Variants in SEC24A observed in about 807,000 individuals in gnomAD.
The protein encoded by SEC24A is protein transport protein Sec24A.
Under a neutral mutation model 129.4 loss-of-function variants are expected in SEC24A, and 93 were observed. The observed-to-expected ratio is 0.72, with a 90% confidence interval of 0.61 to 0.85. The LOEUF (loss-of-function observed/expected upper bound fraction) is 0.85. Among genes scored for constraint, SEC24A ranks in the 40% least tolerant of loss-of-function variants. The probability of loss-of-function intolerance (pLI) is 0.00; values close to 1 mark genes in which losing one functional copy is unlikely to be tolerated. For missense variants in SEC24A, 1,264 were observed against 1,307.4 expected, an observed-to-expected ratio of 0.97 and a Z score of 0.51; for synonymous variants, 460 against 467.3, an observed-to-expected ratio of 0.98 and a Z score of 0.20.
At chr5:134,693,680 T>C in intron 12 of SEC24A, 47 bp from the exon 13 acceptor site, 1 of 1,598,998 alleles carries the variant, frequency 6.3e-7, no homozygotes, top group Non-Finnish European at 8.5e-7. Flanking sequence ...TAATGTGAAA[T>C]AAAATTTTAA....
At chr5:134,709,351 T>C (rs1335288178) in intron 18 of SEC24A, among the ~76,000 whole-genome samples, 1 of 152,216 alleles carries the variant, frequency 6.6e-6, no homozygotes, top group East Asian at 1.9e-4. Context: ...TTATTTGAAC[T>C]TTGAAAAGTT....
intron 3 of SEC24A, among the ~76,000 whole-genome samples, chr5:134,671,025 T>G (rs1461924031): frequency 1.3e-5 from 2 of 151,792 alleles, no homozygotes; most frequent in African/African-American, 4.8e-5. Flanking sequence ...AGGTCTTTGC[T>G]CCTCATAATT....
chr5:134,724,559 G>A (rs1290494094), intron 22 of SEC24A, among the ~76,000 whole-genome samples: 1 of 151,258 alleles, frequency 6.6e-6, no homozygotes, highest in East Asian at 1.9e-4. Context: ...TTGCACTCCA[G>A]CCTGGGCAAC....
At position 134,674,779 on chromosome 5, in the gene SEC24A, A is replaced by C. The variant is rs375412221; in HGVS notation, c.978+4A>C. On this transcript the variant is annotated splice_donor_region_variant and intron_variant, in intron 5 of 22. Transcript: ENST00000398844. Reference sequence around the variant, plus strand: ...TGGGCCACAAGCCTTTACTCAGGTAAACTTTTTGGGATTTTCTTTAACCTA... The same window carrying C: ...TGGGCCACAAGCCTTTACTCAGGTACACTTTTTGGGATTTTCTTTAACCTA... 6.2e-7 allele frequency: 1 copy of C among 1,609,890 alleles called. No homozygotes were observed. Among genetic ancestry groups the C allele is most frequent in the South Asian group, 1.1e-5 (1 of 90,136 alleles).
intron 18 of SEC24A, among the ~76,000 whole-genome samples, chr5:134,710,002 C>T (rs368067412): frequency 1.3e-5 from 2 of 151,932 alleles, no homozygotes; most frequent in African/African-American, 4.8e-5. Context: ...CGGGTTCAAG[C>T]GATTCTCCTG....
At chr5:134,704,509 C>T (rs1434869909) in intron 16 of SEC24A, among the ~76,000 whole-genome samples, 2 of 152,198 alleles carry the variant, frequency 1.3e-5, no homozygotes, top group South Asian at 2.1e-4. Context: ...ATAGTTAAAA[C>T]AATTAAAAGA....
At chr5:134,712,650 C>T (rs918690840) in intron 18 of SEC24A, among the ~76,000 whole-genome samples, 3 of 151,636 alleles carry the variant, frequency 2.0e-5, no homozygotes, top group Admixed American at 1.3e-4. Flanking sequence ...ACTAGTCTGG[C>T]TCTTGTTGCC....
intron 11 of SEC24A, among the ~76,000 whole-genome samples, chr5:134,692,171 C>T (rs984541132): frequency 5.9e-5 from 9 of 151,540 alleles, no homozygotes; most frequent in Non-Finnish European, 2.9e-5. Flanking sequence ...GGAATCCTCC[C>T]ACATAGCTGG....
intron 7 of SEC24A, among the ~76,000 whole-genome samples, chr5:134,679,090 T>C (rs563683514): frequency 5.5e-4 from 83 of 152,096 alleles, no homozygotes; most frequent in African/African-American, 2.0e-3. Flanking sequence ...TTTTATTTTA[T>C]TTTATTTTTT....
intron 4 of SEC24A, 115 bp from the exon 5 acceptor site, chr5:134,674,500 G>A (rs1209782080): frequency 3.5e-6 from 3 of 866,536 alleles, no homozygotes; most frequent in Non-Finnish European, 3.5e-6. Flanking sequence ...TTGCACCACT[G>A]CACTGCAGCC....
chr5:134,714,332 T>G (rs904567133), intron 18 of SEC24A, among the ~76,000 whole-genome samples: 1 of 152,076 alleles, frequency 6.6e-6, no homozygotes, highest in African/African-American at 2.4e-5. Context: ...GGGTGGCCTG[T>G]TAGGAACTGA....
At position 134,698,005 on chromosome 5, in the gene SEC24A, C is replaced by G; in HGVS notation, c.2214C>G (p.Tyr738Ter). The G allele has an allele frequency of 2.5e-6, 4 of 1,613,884 alleles. No individual in the cohort carries two copies. Among genetic ancestry groups the G allele is most frequent in the Non-Finnish European group, 3.4e-6 (4 of 1,179,944 alleles). ...VQKLQKELQR[Y>*]LTRKIGFEAV... The stretch of plus-strand genomic sequence containing the variant: ...AATTACAGAAGGAACTACAGAGATA[C>G]CTTACTCGGAAGATTGGCTTTGAGG... Residue 738 changes from tyrosine (Y) to a stop codon, truncating the protein, a stop_gained, in exon 15 of 23, where the codon TAC (tyrosine) becomes TAG (stop). Coordinates refer to ENST00000398844, the MANE Select transcript of SEC24A (RefSeq NM_021982.3). LOFTEE classifies it high-confidence loss of function.
intron 8 of SEC24A, among the ~76,000 whole-genome samples, chr5:134,680,507 A>G (rs1751229253): frequency 6.6e-6 from 1 of 151,036 alleles, no homozygotes; most frequent in African/African-American, 2.4e-5. Flanking sequence ...TAATTTTTAT[A>G]TTTTTAGTAG....
chr5:134,663,884 T>G (rs1325724914), intron 2 of SEC24A, among the ~76,000 whole-genome samples: 1 of 152,078 alleles, frequency 6.6e-6, no homozygotes, highest in African/African-American at 2.4e-5. Context: ...CTGAGTCGGG[T>G]GGATCACCTG....
intron 10 of SEC24A, 32 bp downstream of exon 10, chr5:134,686,934 CTAA>C: frequency 8.5e-7 from 1 of 1,169,910 alleles, no homozygotes; most frequent in Middle Eastern, 2.0e-4. Flanking sequence ...AAATATGAAA[CTAA>C]TAATATTTTC....
intron 19 of SEC24A, among the ~76,000 whole-genome samples, chr5:134,717,464 G>A (rs1021306245): frequency 1.3e-5 from 2 of 151,844 alleles, no homozygotes; most frequent in African/African-American, 4.8e-5. Context: ...CCAAGATGGT[G>A]CCATTGCACT....
rs750432399 is a variant in SEC24A, at chr5:134,661,563, T to C, written c.542T>C (p.Leu181Pro). ...HQYVSSGYPSLQNSFIKSGPS... is the reference protein window; with the variant it reads ...HQYVSSGYPSPQNSFIKSGPS... Reference sequence around the variant, plus strand: ...TATGTTTCTTCTGGATATCCTTCACTTCAAAATAGCTTCATAAAGTCAGGT... The same window carrying C: ...TATGTTTCTTCTGGATATCCTTCACCTCAAAATAGCTTCATAAAGTCAGGT... Residue 181 changes from leucine (L) to proline (P), a missense_variant, in exon 2 of 23, where the codon CTT (leucine) becomes CCT (proline). Leu to Pro is a moderately conservative substitution (Grantham distance 98). Coordinates refer to ENST00000398844, the MANE Select transcript of SEC24A (RefSeq NM_021982.3). The C allele has an allele frequency of 9.3e-6, 15 of 1,612,774 alleles. No homozygotes were observed. The highest frequency in any genetic ancestry group is 1.2e-5 in the Non-Finnish European group (14 of 1,178,792).
intron 7 of SEC24A, among the ~76,000 whole-genome samples, chr5:134,677,851 T>C (rs1008991735): frequency 2.0e-5 from 3 of 150,886 alleles, no homozygotes; most frequent in African/African-American, 7.3e-5. Flanking sequence ...AAAAAAAAGA[T>C]AAATAAAACC....
Position 134,661,559 on chromosome 5 carries a change from T to A in SEC24A, c.538T>A (p.Ser180Thr). The change falls in exon 2 of 23, where the codon TCA (serine) becomes ACA (threonine). Residue 180 changes from serine (S) to threonine (T), a missense_variant. By Grantham distance (58) the Ser-to-Thr change is moderately conservative. Coordinates refer to ENST00000398844, the MANE Select transcript of SEC24A (RefSeq NM_021982.3). Reference sequence around the variant, plus strand: ...TCAATATGTTTCTTCTGGATATCCTTCACTTCAAAATAGCTTCATAAAGTC... The same window carrying A: ...TCAATATGTTTCTTCTGGATATCCTACACTTCAAAATAGCTTCATAAAGTC... Reference protein sequence around the residue: ...NHQYVSSGYPSLQNSFIKSGP... With the variant: ...NHQYVSSGYPTLQNSFIKSGP... 6.2e-7 allele frequency: 1 copy of A among 1,613,328 alleles called. No homozygotes were observed. Among genetic ancestry groups the A allele is most frequent in the South Asian group, 1.1e-5 (1 of 91,068 alleles).
Sources: gnomAD v4.1 joint callset for allele counts (sites outside exome capture counted in the v4.1 genomes callset) on GRCh38, gnomAD v4.1.1 for gene constraint, MANE v1.5 for transcripts, NCBI Gene and HGNC (gene_info 2026-07-23, HGNC 2026-07-21) for gene names.